CCDC80: variants seen among roughly 807,000 people sequenced by gnomAD.
The protein encoded by CCDC80 is coiled-coil domain-containing protein 80.
A neutral mutation model predicts 78.7 loss-of-function variants in CCDC80; 49 were observed. The observed-to-expected ratio is 0.62, with a 90% confidence interval of 0.50 to 0.79. CCDC80 has a LOEUF of 0.79. CCDC80 is among the 30% of genes least tolerant of loss of function. The pLI is 0.00. For missense variants in CCDC80, 1,205 were observed against 1,198.6 expected, an observed-to-expected ratio of 1.01 and a Z score of -0.08; for synonymous variants, 488 against 447.0, an observed-to-expected ratio of 1.09 and a Z score of -1.16.
chr3:112,606,556 G>C (rs1180257183), intron 7 of CCDC80, among the ~76,000 whole-genome samples: 1 of 152,242 alleles, frequency 6.6e-6, no homozygotes, highest in Non-Finnish European at 1.5e-5. Context: ...CTCCCAGGTA[G>C]CTGGGACTAC....
chr3:112,630,395 T>C (rs1936075063), intron 2 of CCDC80, 126 bp from the exon 3 acceptor site: 5 of 926,860 alleles, frequency 5.4e-6, no homozygotes, highest in Non-Finnish European at 6.7e-6. Context: ...AATGTTCTGC[T>C]GAACAGTTAG....
chr3:112,639,840 T>C lies in CCDC80; in HGVS notation c.66A>G (p.Glu22=). 1 of 1,614,012 alleles carries C rather than the reference T, an allele frequency of 6.2e-7. No homozygotes were observed. Among genetic ancestry groups the C allele is most frequent in the Non-Finnish European group, 8.5e-7 (1 of 1,179,988 alleles). Reference sequence around the variant, plus strand: ...CTCTAATAGTGGCATGGGGGTGGGGTTCTGATCCACACACTAGCCACATGG... The same window carrying C: ...CTCTAATAGTGGCATGGGGGTGGGGCTCTGATCCACACACTAGCCACATGG... ...LLAMWLVCGS[E]PHPHATIRGS... The change falls in exon 2 of 8, where the codon GAA becomes GAG. Residue 22 remains glutamate (E), a synonymous_variant. Coordinates refer to ENST00000206423, the MANE Select transcript of CCDC80 (RefSeq NM_199511.3).
Position 112,638,551 on chromosome 3 carries a change from T to C in CCDC80, c.1355A>G (p.Glu452Gly), listed in dbSNP as rs1936262777. The change falls in exon 2 of 8, where the codon GAA becomes GGA. Residue 452 changes from glutamate to glycine, a missense_variant. By Grantham distance (98) the Glu-to-Gly change is moderately conservative. Coordinates refer to ENST00000206423, the MANE Select transcript of CCDC80 (RefSeq NM_199511.3). Reference protein sequence around the residue: ...FTNAPPTTISEPSTRAAGPGR... With the variant: ...FTNAPPTTISGPSTRAAGPGR... ...TGGGCCAGCAGCCCTTGTGCTGGGTTCTGAGATGGTGGTGGGAGGGGCATT... is the reference window on the plus strand; with the variant it reads ...TGGGCCAGCAGCCCTTGTGCTGGGTCCTGAGATGGTGGTGGGAGGGGCATT... 1 of 1,613,948 alleles carries C rather than the reference T, an allele frequency of 6.2e-7. No homozygotes were observed. The highest frequency in any genetic ancestry group is 8.5e-7 in the Non-Finnish European group (1 of 1,180,002).
In CCDC80 at chr3:112,630,205, C is replaced by A; in HGVS notation, c.1943G>T (p.Ser648Ile). The change falls in exon 3 of 8, where the codon AGT becomes ATT. Residue 648 changes from serine to isoleucine, a missense_variant. Transcript: ENST00000206423. Reference protein sequence around the residue: ...YVQQRDEYLESFCKMATRKIS... With the variant: ...YVQQRDEYLEIFCKMATRKIS... ...TTTCCTGGTAGCCATCTTGCAGAAA[C>A]TTTCCAGATATTCATCACGTTGTTG... is the stretch of plus-strand genomic sequence containing the variant. 1 of 1,613,928 alleles carries A rather than the reference C, an allele frequency of 6.2e-7. No homozygotes were observed. Among genetic ancestry groups the A allele is most frequent in the Non-Finnish European group, 8.5e-7 (1 of 1,179,842 alleles).
At chr3:112,627,998 G>A (rs975303114) in intron 3 of CCDC80, among the ~76,000 whole-genome samples, 10 of 152,278 alleles carry the variant, frequency 6.6e-5, no homozygotes, top group African/African-American at 2.4e-4. Flanking sequence ...TATAGAAGTT[G>A]AGGTGGAAGA....
At chr3:112,633,642 G>T (rs1309176609) in intron 2 of CCDC80, among the ~76,000 whole-genome samples, 1 of 152,140 alleles carries the variant, frequency 6.6e-6, no homozygotes, top group Non-Finnish European at 1.5e-5. Context: ...ATGTCTAGAT[G>T]CAGGCTACGA....
At chr3:112,620,861 T>C (rs1164267894) in intron 3 of CCDC80, among the ~76,000 whole-genome samples, 1 of 152,258 alleles carries the variant, frequency 6.6e-6, no homozygotes, top group Non-Finnish European at 1.5e-5. Context: ...CATTCATTCT[T>C]GCTTTTGTTC....
intron 5 of CCDC80, among the ~76,000 whole-genome samples, chr3:112,611,121 G>C (rs927350768): frequency 6.6e-6 from 1 of 152,128 alleles, no homozygotes; most frequent in Non-Finnish European, 1.5e-5. Flanking sequence ...CACTGTGTTA[G>C]CCAGGATGGT....
At chr3:112,611,758 G>C (rs1036137250) in intron 5 of CCDC80, among the ~76,000 whole-genome samples, 5 of 152,186 alleles carry the variant, frequency 3.3e-5, no homozygotes, top group African/African-American at 1.2e-4. Context: ...ATCTTCACTG[G>C]TGTTTTGCTT....
Position 112,618,971 on chromosome 3 carries a change from G to C in CCDC80, c.2169C>G (p.Val723=). ...FMVLTDVDLR[V]KQYYEVPITM... ...TATTCAGAATAAGAAACTGTACCTTGACTCTCAGATCCACATCTGTTAGCA... is the reference window on the plus strand; with the variant it reads ...TATTCAGAATAAGAAACTGTACCTTCACTCTCAGATCCACATCTGTTAGCA... The change falls in exon 4 of 8, where the codon GTC becomes GTG. Residue 723 remains valine, a synonymous_variant. Transcript: ENST00000206423. The C allele has an allele frequency of 6.2e-7, 1 of 1,613,652 alleles. No homozygotes were observed. The highest frequency in any genetic ancestry group is 1.1e-5 in the South Asian group (1 of 90,968).
chr3:112,631,930 T>C (rs1226157159), intron 2 of CCDC80, among the ~76,000 whole-genome samples: 1 of 152,162 alleles, frequency 6.6e-6, no homozygotes. Context: ...TAAATAGACA[T>C]GCTTTAGTTT....
At position 112,630,144 on chromosome 3, in the gene CCDC80, G is replaced by A. The variant is rs1244220137; in HGVS notation, c.2004C>T (p.Asn668=). The change falls in exon 3 of 8, where the codon AAC becomes AAT. Residue 668 remains asparagine (N), a synonymous_variant. Transcript: ENST00000206423. ...SVITIFGPVN[N]STMKIDHFQL... is the part of the protein sequence containing the mutation. ...GAAAGTGGTCGATTTTCATGGTGCTGTTGTTGACAGGGCCGAAGATGGTGA... is the reference window on the plus strand; with the variant it reads ...GAAAGTGGTCGATTTTCATGGTGCTATTGTTGACAGGGCCGAAGATGGTGA... 1.2e-6 allele frequency: 2 copies of A among 1,613,786 alleles called. No individual in the cohort carries two copies. Among genetic ancestry groups the A allele is most frequent in the African/African-American group, 1.3e-5 (1 of 74,912 alleles).
intron 1 of CCDC80, 36 bp from the exon 2 acceptor site, chr3:112,639,952 G>A (rs1199229194): frequency 6.4e-7 from 1 of 1,555,796 alleles, no homozygotes; most frequent in South Asian, 1.2e-5. Flanking sequence ...ACAAAGGGGA[G>A]GGGGAAAAAA....
rs760102914 is a variant in CCDC80 at position 112,638,455 on chromosome 3, G to A, written c.1451C>T (p.Pro484Leu). 4 of 1,613,498 alleles carry A rather than the reference G, an allele frequency of 2.5e-6. No homozygotes were observed. Among genetic ancestry groups the A allele is most frequent in the Middle Eastern group, 1.6e-4 (1 of 6,062 alleles). ...AGGTTTCTCCTTTGCTGGCTTGGGA[G>A]GACCTGGCACCACATTTGGGTCTCG... ...GHRDPNVVPG[P>L]PKPAKEKPPK... The change falls in exon 2 of 8, where the codon CCT (proline) becomes CTT (leucine). Residue 484 changes from proline (P) to leucine (L), a missense_variant. Pro to Leu is a moderately conservative substitution (Grantham distance 98, BLOSUM62 -3). Coordinates refer to ENST00000206423, the MANE Select transcript of CCDC80 (RefSeq NM_199511.3).
intron 3 of CCDC80, 76 bp from the exon 4 acceptor site, chr3:112,619,180 T>C (rs13084615): frequency 0.86 from 1,190,795 of 1,386,170 alleles, 516,190 homozygotes; most frequent in Non-Finnish European, 0.89. Context: ...GGTGAAGGCT[T>C]TGGGCCTAAT....
intron 2 of CCDC80, among the ~76,000 whole-genome samples, chr3:112,633,113 C>G (rs1936131068): frequency 6.6e-6 from 1 of 152,142 alleles, no homozygotes; most frequent in Non-Finnish European, 1.5e-5. Flanking sequence ...CCAACCTCAT[C>G]ACGTTGTGAG....
At chr3:112,636,055 T>C (rs1936201375) in intron 2 of CCDC80, among the ~76,000 whole-genome samples, 1 of 152,188 alleles carries the variant, frequency 6.6e-6, no homozygotes, top group Non-Finnish European at 1.5e-5. Context: ...ATGATTTTGT[T>C]TTTAAAACCT....
At chr3:112,637,816 A>C (rs1559882312) in intron 2 of CCDC80, among the ~76,000 whole-genome samples, 1 of 152,156 alleles carries the variant, frequency 6.6e-6, no homozygotes. Flanking sequence ...CCACAGGGCC[A>C]TGAGTTGTGT....
At chr3:112,626,591 A>G (rs916431957) in intron 3 of CCDC80, among the ~76,000 whole-genome samples, 1 of 152,172 alleles carries the variant, frequency 6.6e-6, no homozygotes, top group East Asian at 1.9e-4. Flanking sequence ...TTTGTCACCC[A>G]GGTTAGAGTG....
Sources: gnomAD v4.1 joint callset for allele counts (sites outside exome capture counted in the v4.1 genomes callset) on GRCh38, gnomAD v4.1.1 for gene constraint, MANE v1.5 for transcripts, NCBI Gene and HGNC (gene_info 2026-07-23, HGNC 2026-07-21) for gene names.